Variants in SLFN5 observed in about 807,000 individuals in gnomAD.
SLFN5 encodes schlafen family member 5.
SLFN5 carries 34 observed loss-of-function variants against 48.5 expected under a neutral mutation model. That is an observed-to-expected ratio of 0.70 (90% CI 0.53 to 0.93). The LOEUF is 0.93. Among genes scored for constraint, SLFN5 ranks in the 40% least tolerant of loss-of-function variants. The pLI is 0.00. For synonymous variants in SLFN5, 387 were observed against 396.2 expected (o/e 0.98, Z 0.28); for missense variants, 1,006 against 1,071.3 (o/e 0.94, Z 0.85).
intron 1 of SLFN5, among the ~76,000 whole-genome samples, chr17:35,249,838 T>A (rs539886643): frequency 1.3e-5 from 2 of 152,314 alleles, no homozygotes; most frequent in African/African-American, 4.8e-5. Context: ...CAAATAAATA[T>A]CTTGACACCA....
chr17:35,255,003 C>A (rs555582704), intron 1 of SLFN5, among the ~76,000 whole-genome samples: 2 of 151,954 alleles, frequency 1.3e-5, no homozygotes, highest in African/African-American at 4.8e-5. Flanking sequence ...GGCAATAGAG[C>A]GAGGCTCTGT....
rs1164057084 is a variant in SLFN5 at position 35,265,067 on chromosome 17, TAC to T, written c.1860-3_1860-2del. On this transcript the variant is annotated splice_region_variant and splice_polypyrimidine_tract_variant and intron_variant, in intron 4 of 4. Coordinates refer to ENST00000299977, the MANE Select transcript of SLFN5 (RefSeq NM_144975.4). ...TGGGGAAAAACCTGACTCTGTTTCT[TAC>T]AGTTTCAGCAAGAAAAACATCTGCC... 1 of 1,603,308 alleles carries T rather than the reference TAC, an allele frequency of 6.2e-7. No homozygotes were observed. Among genetic ancestry groups the T allele is most frequent in the East Asian group, 2.2e-5 (1 of 44,842 alleles).
chr17:35,264,576 T>C lies in SLFN5; in HGVS notation c.1532T>C (p.Leu511Ser), dbSNP rs1904618605. The part of the protein sequence containing the change: ...RKAQSVYSSY[L>S]QIYPESYNFM... ...GCACAGAGCGTTTACAGTTCGTATT[T>C]ACAAATTTACCCTGAATCCTATAAC... Residue 511 changes from leucine (L) to serine (S), a missense_variant, in exon 4 of 5, where the codon TTA becomes TCA. Physicochemically the swap from Leu to Ser is moderately radical, Grantham distance 145. Coordinates refer to ENST00000299977, the MANE Select transcript of SLFN5 (RefSeq NM_144975.4). 1 of 1,614,148 alleles carries C rather than the reference T, an allele frequency of 6.2e-7. No individual in the cohort carries two copies. Among genetic ancestry groups the C allele is most frequent in the Non-Finnish European group, 8.5e-7 (1 of 1,180,042 alleles).
In SLFN5 at chr17:35,258,855, G is replaced by C; in HGVS notation, c.165G>C (p.Gly55=). 6.2e-7 allele frequency: 1 copy of C among 1,614,120 alleles called. No individual in the cohort carries two copies. Among genetic ancestry groups the C allele is most frequent in the Non-Finnish European group, 8.5e-7 (1 of 1,180,024 alleles). ...TATGTGCTCTGCTGAATTCTGGTGG[G>C]GGCATAATCAAGGCTGAGATTGAGA... ...RAVCALLNSG[G]GIIKAEIENK... Residue 55 remains glycine (G), a synonymous_variant, in exon 2 of 5, where the codon GGG becomes GGC. Transcript: ENST00000299977.
chr17:35,258,788 C>T lies in SLFN5; in HGVS notation c.98C>T (p.Pro33Leu), dbSNP rs1201255809. 1.5e-5 allele frequency: 24 copies of T among 1,614,014 alleles called. No individual in the cohort carries two copies. The East Asian group carries it at 5.1e-4, about 34-fold the overall frequency. The part of the protein sequence containing the change: ...LGTQQRQEMD[P>L]RLREKQNEII... ...ACTCAGCAGAGGCAGGAGATGGACC[C>T]TCGCCTGCGGGAGAAACAGAATGAA... is the stretch of plus-strand genomic sequence containing the variant. Residue 33 changes from proline (P) to leucine (L), a missense_variant, in exon 2 of 5, where the codon CCT becomes CTT. Transcript: ENST00000299977.
At chr17:35,259,782 G>A in intron 2 of SLFN5, 80 bp downstream of exon 2, 1 of 1,463,396 alleles carries the variant, frequency 6.8e-7, no homozygotes, top group Non-Finnish European at 9.2e-7. Flanking sequence ...GAGGGATATG[G>A]TATTCCTTGG....
rs769166397 is a variant in SLFN5 at position 35,264,610 on chromosome 17, C to A, written c.1566C>A (p.Thr522=). The change falls in exon 4 of 5, where the codon ACC becomes ACA. Residue 522 remains threonine, a synonymous_variant. Transcript: ENST00000299977. ...QIYPESYNFM[T]PQHMEALLQS... ...ACCCTGAATCCTATAACTTCATGACCCCCCAGCACATGGAAGCCCTGTTAC... is the reference window on the plus strand; with the variant it reads ...ACCCTGAATCCTATAACTTCATGACACCCCAGCACATGGAAGCCCTGTTAC... 144 of 1,614,028 alleles carry A rather than the reference C, an allele frequency of 8.9e-5. No homozygotes were observed. Among genetic ancestry groups the A allele is most frequent in the Non-Finnish European group, 1.2e-4 (141 of 1,180,040 alleles).
chr17:35,259,629 G>T lies in SLFN5; in HGVS notation c.939G>T (p.Trp313Cys). 1 of 1,605,794 alleles carries T rather than the reference G, an allele frequency of 6.2e-7. No individual in the cohort carries two copies. The stretch of plus-strand genomic sequence containing the variant: ...TGTTTGCCAAAGTGCCTAGTTCCTG[G>T]CAGGTGAAGGACAACCGTGTGAGAC... ...CAVFAKVPSS[W>C]QVKDNRVRQL... The change falls in exon 2 of 5, where the codon TGG becomes TGT. Residue 313 changes from tryptophan (W) to cysteine (C), a missense_variant. Transcript: ENST00000299977.
At position 35,264,669 on chromosome 17, in the gene SLFN5, CCTT is replaced by C. The variant is rs1904622035; in HGVS notation, c.1629_1631del (p.Phe543del). 2 of 1,613,434 alleles carry C rather than the reference CCTT, an allele frequency of 1.2e-6. No homozygotes were observed. Among genetic ancestry groups the C allele is most frequent in the Non-Finnish European group, 1.7e-6 (2 of 1,179,806 alleles). Reference sequence around the variant, plus strand: ...GTGATAGTCTTGCTTGGGTTCAAATCCTTCTTAAGTGAAGAGCTGGGCTCTGAG... The same window carrying C: ...GTGATAGTCTTGCTTGGGTTCAAATCCTTAAGTGAAGAGCTGGGCTCTGAG... On this transcript the variant is annotated inframe_deletion, in exon 4 of 5. Transcript: ENST00000299977.
Position 35,265,397 on chromosome 17 carries a change from G to A in SLFN5, c.2185G>A (p.Ala729Thr). Residue 729 changes from alanine to threonine, a missense_variant, in exon 5 of 5, where the codon GCC (alanine) becomes ACC (threonine). By Grantham distance (58) the Ala-to-Thr change is moderately conservative. Transcript: ENST00000299977. ...ANYLQQVMQE[A>T]RQNPPPNLPP... ...TTACCTACAACAAGTAATGCAGGAA[G>A]CCCGACAAAATCCTCCACCTAACCT... 1.2e-6 allele frequency: 2 copies of A among 1,614,182 alleles called. No individual in the cohort carries two copies. Among genetic ancestry groups the A allele is most frequent in the Non-Finnish European group, 1.7e-6 (2 of 1,180,042 alleles).
intron 1 of SLFN5, among the ~76,000 whole-genome samples, chr17:35,252,882 C>G (rs1218787265): frequency 6.6e-6 from 1 of 151,980 alleles, no homozygotes; most frequent in Non-Finnish European, 1.5e-5. Flanking sequence ...AGCCTCTTGT[C>G]TCTCGGGCTT....
intron 1 of SLFN5, among the ~76,000 whole-genome samples, chr17:35,251,610 T>G (rs2092442621): frequency 6.6e-6 from 1 of 151,594 alleles, no homozygotes; most frequent in African/African-American, 2.4e-5. Context: ...TTTCACCGTG[T>G]TAGCCAGGAT....
chr17:35,265,792 T>A lies in SLFN5; in HGVS notation c.2580T>A (p.Asn860Lys), dbSNP rs776734892. The change falls in exon 5 of 5, where the codon AAT (asparagine) becomes AAA (lysine). Residue 860 changes from asparagine to lysine, a missense_variant. Transcript: ENST00000299977. ...GLERNIVFGI[N>K]PGVAPPAGAY... ...AAAGAAATATCGTGTTTGGAATCAA[T>A]CCAGGAGTAGCCCCACCGGCTGGGG... 18 of 1,614,158 alleles carry A rather than the reference T, an allele frequency of 1.1e-5. No homozygotes were observed. The highest frequency in any genetic ancestry group is 1.4e-5 in the Non-Finnish European group (17 of 1,180,024).
In SLFN5 at chr17:35,265,219, TCAGACAGCAA is replaced by T; in HGVS notation, c.2008_2017del (p.Gln670GlyfsTer19). On this transcript the variant is annotated frameshift_variant, in exon 5 of 5. Transcript: ENST00000299977. LOFTEE classifies it low-confidence loss of function (END_TRUNC). ...GGTATGGGAAAGCAAAGTTCATCAC[TCAGACAGCAA>T]GGGATGGCCCAGGAGTTCTCTGGAT... 1 of 1,614,196 alleles carries T rather than the reference TCAGACAGCAA, an allele frequency of 6.2e-7. No homozygotes were observed. Among genetic ancestry groups the T allele is most frequent in the Non-Finnish European group, 8.5e-7 (1 of 1,180,038 alleles).
intron 1 of SLFN5, among the ~76,000 whole-genome samples, chr17:35,248,939 A>G (rs777867767): frequency 2.0e-5 from 3 of 152,180 alleles, no homozygotes; most frequent in Non-Finnish European, 4.4e-5. Context: ...CCCTCTTTCC[A>G]TAGTAAATCC....
Position 35,265,254 on chromosome 17 carries a change from T to G in SLFN5, c.2042T>G (p.Ile681Ser), listed in dbSNP as rs1218389511. Residue 681 changes from isoleucine (I) to serine (S), a missense_variant, in exon 5 of 5, where the codon ATC becomes AGC. Transcript: ENST00000299977. ...AGGGATGGCCCAGGAGTTCTCTGGA[T>G]CTTTCTGGACTACTTTCAGACCTAT... ...TARDGPGVLWIFLDYFQTYHL... is the reference protein window; with the variant it reads ...TARDGPGVLWSFLDYFQTYHL... The G allele has an allele frequency of 1.9e-6, 3 of 1,614,080 alleles. No individual in the cohort carries two copies. In the African/African-American group the frequency reaches 4.0e-5, roughly 22 times the overall value.
rs1253694926 is a variant in SLFN5, at chr17:35,264,314, A to T, written c.1270A>T (p.Ser424Cys). Residue 424 changes from serine to cysteine, a missense_variant, in exon 4 of 5, where the codon AGC (serine) becomes TGC (cysteine). By Grantham distance (112) the Ser-to-Cys change is moderately radical. Coordinates refer to ENST00000299977, the MANE Select transcript of SLFN5 (RefSeq NM_144975.4). Reference protein sequence around the residue: ...FSQGILIFSQSWAVDLGLQEK... With the variant: ...FSQGILIFSQCWAVDLGLQEK... ...TCAAGGAATATTGATTTTTTCTCAA[A>T]GCTGGGCTGTGGATTTAGGTCTGCA... 5 of 1,614,068 alleles carry T rather than the reference A, an allele frequency of 3.1e-6. No homozygotes were observed. Among genetic ancestry groups the T allele is most frequent in the Non-Finnish European group, 4.2e-6 (5 of 1,180,052 alleles).
At chr17:35,245,682 G>C (rs972503401) in intron 1 of SLFN5, among the ~76,000 whole-genome samples, 3 of 151,940 alleles carry the variant, frequency 2.0e-5, no homozygotes. Flanking sequence ...TTTTTATTAC[G>C]GTTGAGTAGT....
rs190220480 is a variant in SLFN5, at chr17:35,273,071, G to A, written c.*7183G>A. 1 of 152,132 alleles carries A rather than the reference G, an allele frequency of 6.6e-6. No homozygotes were observed. The highest frequency in any genetic ancestry group is 1.5e-5 in the Non-Finnish European group (1 of 68,032). 9.4% of individuals were successfully genotyped at this position (152,132 alleles called of 1,614,324 possible). On this transcript the variant is annotated 3_prime_UTR_variant, in exon 5 of 5. Coordinates refer to ENST00000299977, the MANE Select transcript of SLFN5 (RefSeq NM_144975.4). ...CAAAATAGTAAATATATACCCAAAA[G>A]GGTCTAATGGATTAGTTTTTGGCAT...
Sources: allele counts gnomAD v4.1 joint callset (sites outside exome capture counted in the v4.1 genomes callset), GRCh38; gene constraint gnomAD v4.1.1; transcripts MANE v1.5; gene names NCBI Gene and HGNC (gene_info 2026-07-23, HGNC 2026-07-21).